The following RTTN variants were observed in gnomAD, a reference collection of about 807,000 sequenced individuals.
The protein encoded by RTTN is rotatin.
RTTN carries 182 observed loss-of-function variants against 269.2 expected under a neutral mutation model. The ratio of observed to expected loss-of-function variants is 0.68; its 90% CI spans 0.60 to 0.76. The LOEUF is 0.76. Among genes scored for constraint, RTTN ranks in the 30% least tolerant of loss-of-function variants. RTTN has a pLI of 0.00. For missense variants in RTTN, 2,545 were observed against 2,608.6 expected, an observed-to-expected ratio of 0.98 and a Z score of 0.53; for synonymous variants, 1,006 against 963.5, an observed-to-expected ratio of 1.04 and a Z score of -0.82.
intron 40 of RTTN, among the ~76,000 whole-genome samples, chr18:70,032,889 C>T (rs983125426): frequency 6.6e-6 from 1 of 152,206 alleles, no homozygotes; most frequent in Non-Finnish European, 1.5e-5. Context: ...CTTCTCATTG[C>T]CACATGGCAC....
chr18:70,054,751 A>G (rs1207920024), intron 37 of RTTN, among the ~76,000 whole-genome samples: 1 of 152,124 alleles, frequency 6.6e-6, no homozygotes, highest in Non-Finnish European at 1.5e-5. Context: ...CCCAGAAGGT[A>G]GAGGCTATAG....
At chr18:70,055,873 A>C (rs2057803140) in intron 37 of RTTN, among the ~76,000 whole-genome samples, 1 of 152,070 alleles carries the variant, frequency 6.6e-6, no homozygotes, top group African/African-American at 2.4e-5. Flanking sequence ...ACTTTAATCC[A>C]TCATACCTTT....
chr18:70,201,610 A>AG (rs1404024510), intron 4 of RTTN, among the ~76,000 whole-genome samples: 3 of 140,404 alleles, frequency 2.1e-5, no homozygotes, highest in Non-Finnish European at 4.7e-5. Flanking sequence ...TCCATCTCAA[A>AG]AAAAAAAAAA....
At chr18:70,105,275 A>G (rs2059292153) in intron 28 of RTTN, among the ~76,000 whole-genome samples, 1 of 152,184 alleles carries the variant, frequency 6.6e-6, no homozygotes, top group Non-Finnish European at 1.5e-5. Flanking sequence ...GCGAGGCTCT[A>G]TAGGCGTGGG....
intron 28 of RTTN, 87 bp from the exon 29 acceptor site, chr18:70,092,891 G>A: frequency 2.6e-6 from 3 of 1,149,710 alleles, no homozygotes. Context: ...TGACTTGTAT[G>A]AATTGAATCC....
intron 24 of RTTN, 105 bp downstream of exon 24, chr18:70,128,253 G>T: frequency 1.2e-6 from 1 of 822,598 alleles, no homozygotes; most frequent in Non-Finnish European, 1.9e-6. Context: ...AGAATCAGAT[G>T]ATACCAAGGG....
At chr18:70,161,518 A>G (rs1019377526) in intron 14 of RTTN, among the ~76,000 whole-genome samples, 1 of 152,230 alleles carries the variant, frequency 6.6e-6, no homozygotes, top group Admixed American at 6.5e-5. Context: ...GTTTCTGCAC[A>G]GTAAAAGAAA....
chr18:70,179,128 T>C (rs1486258624), intron 10 of RTTN, among the ~76,000 whole-genome samples: 1 of 151,998 alleles, frequency 6.6e-6, no homozygotes, highest in African/African-American at 2.4e-5. Context: ...TAAAAAGCAA[T>C]AAATATTTAA....
At chr18:70,116,770 T>G (rs1373466087) in intron 26 of RTTN, among the ~76,000 whole-genome samples, 1 of 152,024 alleles carries the variant, frequency 6.6e-6, no homozygotes, top group Non-Finnish European at 1.5e-5. Context: ...ATGCCAAAAG[T>G]AACTGCAAGA....
intron 47 of RTTN, chr18:70,005,932 C>G (rs908801109): frequency 1.3e-5 from 2 of 156,314 alleles, no homozygotes; most frequent in African/African-American, 4.8e-5. Context: ...GAGTAGAACA[C>G]AAATCTCCAC....
At chr18:70,023,583 G>A (rs969213416) in intron 44 of RTTN, among the ~76,000 whole-genome samples, 12 of 151,984 alleles carry the variant, frequency 7.9e-5, no homozygotes, top group African/African-American at 2.7e-4. Flanking sequence ...AGTTCACCCC[G>A]GACACCTTTT....
At chr18:70,124,365 A>G (rs1318430403) in intron 25 of RTTN, among the ~76,000 whole-genome samples, 1 of 152,092 alleles carries the variant, frequency 6.6e-6, no homozygotes, top group East Asian at 1.9e-4. Flanking sequence ...AAGGAATGTA[A>G]TAAACCCAAG....
intron 28 of RTTN, among the ~76,000 whole-genome samples, chr18:70,095,481 T>G (rs902598514): frequency 3.9e-5 from 6 of 152,222 alleles, no homozygotes; most frequent in Non-Finnish European, 8.8e-5. Context: ...GGAGCTCTTG[T>G]AAGGCAGGCC....
chr18:70,091,209 A>T (rs763034160), intron 30 of RTTN, among the ~76,000 whole-genome samples: 14 of 152,118 alleles, frequency 9.2e-5, no homozygotes, highest in Non-Finnish European at 1.8e-4. Flanking sequence ...GTTGAGGGAG[A>T]ATAAAAGCAT....
In RTTN at chr18:70,043,796, CTGGAGTG is replaced by C. The variant is rs1051783991; in HGVS notation, c.5541+4168_5541+4174del. Reference sequence around the variant, plus strand: ...TTTCCAACATATACTGAAGGAAAGGCTGGAGTGAAGAACTGACTTTCTATCAGTTTCC... The same window carrying C: ...TTTCCAACATATACTGAAGGAAAGGCAAGAACTGACTTTCTATCAGTTTCC... On this transcript the variant is annotated intron_variant, in intron 40 of 48. Transcript: ENST00000640769. 1.9e-4 allele frequency among the ~76,000 whole-genome samples: 29 copies of C among 152,286 alleles called. 1 individual carries two copies. Among genetic ancestry groups the C allele is most frequent in the Middle Eastern group, 6.8e-3 (2 of 292 alleles).
At position 70,128,429 on chromosome 18, in the gene RTTN, A is replaced by G; in HGVS notation, c.3072T>C (p.Ala1024=). 1 of 1,613,444 alleles carries G rather than the reference A, an allele frequency of 6.2e-7. No individual in the cohort carries two copies. The highest frequency in any genetic ancestry group is 8.5e-7 in the Non-Finnish European group (1 of 1,179,580). Residue 1024 remains alanine (A), a synonymous_variant, in exon 24 of 49, where the codon GCT becomes GCC. Transcript: ENST00000640769. ...LKPVSDMLRI[A]WNLSWYHGSD... The stretch of plus-strand genomic sequence containing the variant: ...TCCCATGATACCATGACAGGTTCCA[A>G]GCTATTCTCAGCATATCTGACACCG...
chr18:70,137,169 T>C (rs912056485), intron 21 of RTTN, among the ~76,000 whole-genome samples: 6 of 152,158 alleles, frequency 3.9e-5, no homozygotes, highest in Non-Finnish European at 8.8e-5. Flanking sequence ...AATGGGGATG[T>C]ATAGGTCTGT....
intron 1 of RTTN, 78 bp downstream of exon 1, chr18:70,205,550 G>T (rs1171682253): frequency 1.5e-5 from 24 of 1,583,462 alleles, no homozygotes; most frequent in Non-Finnish European, 2.1e-5. Flanking sequence ...GGCCGGCCGC[G>T]GAAACGTGAC....
chr18:70,017,633 T>C lies in RTTN; in HGVS notation c.6195A>G (p.Lys2065=), dbSNP rs2056579760. The C allele has an allele frequency of 1.9e-6, 3 of 1,613,632 alleles. No homozygotes were observed. In the African/African-American group the frequency reaches 4.0e-5, roughly 21 times the overall value. The change falls in exon 46 of 49, where the codon AAA becomes AAG. Residue 2065 remains lysine, a synonymous_variant. Transcript: ENST00000640769. ...LQNFLSLALP[K]GGNKHLSNLT... is the part of the protein sequence containing the mutation. ...GATTACTTAGATGTTTATTTCCTCC[T>C]TTTGGCAATGCTAGAGAGAGGAAGT...
Sources: allele counts gnomAD v4.1 joint callset (sites outside exome capture counted in the v4.1 genomes callset), GRCh38; gene constraint gnomAD v4.1.1; transcripts MANE v1.5; gene names NCBI Gene and HGNC (gene_info 2026-07-23, HGNC 2026-07-21).